The following AGBL4 variants were observed in gnomAD, a reference collection of about 807,000 sequenced individuals.
AGBL4 encodes cytosolic carboxypeptidase 6.
A neutral mutation model predicts 66.4 loss-of-function variants in AGBL4; 58 were observed. The observed-to-expected ratio is 0.87, with a 90% CI of 0.71 to 1.09. The LOEUF (loss-of-function observed/expected upper bound fraction) is 1.09. Among genes scored for constraint, AGBL4 ranks in the 50% least tolerant of loss-of-function variants. The pLI is 0.00. For synonymous variants in AGBL4, 234 were observed against 222.9 expected (o/e 1.05, Z -0.44); for missense variants, 579 against 631.0 (o/e 0.92, Z 0.88).
intron 1 of AGBL4, among the ~76,000 whole-genome samples, chr1:49,874,008 A>G (rs1023696148): frequency 1.3e-5 from 2 of 152,136 alleles, no homozygotes; most frequent in African/African-American, 4.8e-5. Flanking sequence ...GACACCAAAA[A>G]TAGCATGGAC....
chr1:49,353,949 A>T (rs1308864196), intron 3 of AGBL4, among the ~76,000 whole-genome samples: 1 of 152,080 alleles, frequency 6.6e-6, no homozygotes, highest in Admixed American at 6.5e-5. Flanking sequence ...AAATCCCCAC[A>T]TTCATAATTC....
At chr1:48,812,576 C>G (rs1254976327) in intron 6 of AGBL4, among the ~76,000 whole-genome samples, 1 of 152,180 alleles carries the variant, frequency 6.6e-6, no homozygotes, top group East Asian at 1.9e-4. Context: ...TTAAGGATTT[C>G]ATTTCTGGGA....
At position 48,635,671 on chromosome 1, in the gene AGBL4, C is replaced by T. The variant is rs114008884; in HGVS notation, c.840-1067G>A. 5.1e-3 allele frequency among the ~76,000 whole-genome samples: 775 copies of T among 152,324 alleles called. 10 individuals are homozygous for T. Among genetic ancestry groups the T allele is most frequent in the African/African-American group, 0.018 (744 of 41,576 alleles). On this transcript the variant is annotated intron_variant, in intron 8 of 13. Transcript: ENST00000371839. ...AGAAGGAGCTTCTACAAATGGACCA[C>T]AAGCTTTTCAAGAGCCTCTTTCATC...
chr1:49,973,123 C>A (rs1344328125), intron 1 of AGBL4, among the ~76,000 whole-genome samples: 1 of 152,076 alleles, frequency 6.6e-6, no homozygotes, highest in Non-Finnish European at 1.5e-5. Context: ...GAGACAGGTG[C>A]CCTTTGAGTG....
chr1:49,851,235 C>A (rs1646294352), intron 2 of AGBL4, among the ~76,000 whole-genome samples, 161 bp downstream of exon 2: 1 of 152,050 alleles, frequency 6.6e-6, no homozygotes, highest in Admixed American at 6.5e-5. Context: ...ATTTGATATT[C>A]CCAAGTTAGT....
chr1:48,554,168 G>T (rs1283231717), intron 11 of AGBL4, among the ~76,000 whole-genome samples: 1 of 152,122 alleles, frequency 6.6e-6, no homozygotes, highest in Non-Finnish European at 1.5e-5. Flanking sequence ...CAGGACATGG[G>T]GTCCTCTACC....
intron 4 of AGBL4, among the ~76,000 whole-genome samples, chr1:49,088,030 A>T (rs1343426997): frequency 6.6e-6 from 1 of 152,232 alleles, no homozygotes; most frequent in Non-Finnish European, 1.5e-5. Flanking sequence ...TGATAGGCAA[A>T]TAGTAACACA....
chr1:49,017,737 T>C (rs1415858801), intron 5 of AGBL4, among the ~76,000 whole-genome samples: 2 of 152,126 alleles, frequency 1.3e-5, no homozygotes, highest in African/African-American at 4.8e-5. Context: ...TAATATATAT[T>C]GAACGAATGA....
intron 5 of AGBL4, among the ~76,000 whole-genome samples, chr1:48,959,131 T>C (rs1657742756): frequency 6.6e-6 from 1 of 152,188 alleles, no homozygotes; most frequent in African/African-American, 2.4e-5. Context: ...ACAGGAATGA[T>C]ATGACATGGA....
chr1:49,903,112 GA>G lies in AGBL4; in HGVS notation c.35-51595del, dbSNP rs1372730145. 2.6e-5 allele frequency among the ~76,000 whole-genome samples: 4 copies of G among 152,194 alleles called. No individual in the cohort carries two copies. The South Asian group carries it at 8.3e-4, about 31-fold the overall frequency. On this transcript the variant is annotated intron_variant, in intron 1 of 13. Transcript: ENST00000371839. The stretch of plus-strand genomic sequence containing the variant: ...TCAACCTAAATGTCCATCAATGGTA[GA>G]GTGGATAAAGAAAAGGTGGTACATA...
chr1:48,655,723 C>G (rs765746673), intron 7 of AGBL4, among the ~76,000 whole-genome samples: 1 of 152,152 alleles, frequency 6.6e-6, no homozygotes, highest in Non-Finnish European at 1.5e-5. Context: ...AAGTAGGTGT[C>G]CTAGTCTGTG....
intron 3 of AGBL4, among the ~76,000 whole-genome samples, chr1:49,361,644 C>G (rs1644137561): frequency 1.3e-5 from 2 of 152,150 alleles, no homozygotes; most frequent in African/African-American, 4.8e-5. Flanking sequence ...CTTAAAAATA[C>G]TTTTTAGATT....
At chr1:49,291,639 T>C (rs1326667851) in intron 3 of AGBL4, among the ~76,000 whole-genome samples, 2 of 151,868 alleles carry the variant, frequency 1.3e-5, no homozygotes, top group Non-Finnish European at 2.9e-5. Context: ...TCTTAGAGAG[T>C]ATTAATTGGA....
At chr1:49,082,871 A>G (rs534588038) in intron 4 of AGBL4, among the ~76,000 whole-genome samples, 1 of 152,348 alleles carries the variant, frequency 6.6e-6, no homozygotes, top group Non-Finnish European at 1.5e-5. Context: ...TACTTCCTAG[A>G]TACAATGGAG....
At chr1:49,100,359 C>G (rs547148815) in intron 4 of AGBL4, among the ~76,000 whole-genome samples, 1 of 152,240 alleles carries the variant, frequency 6.6e-6, no homozygotes, top group African/African-American at 2.4e-5. Context: ...CTGTGTACCT[C>G]TCCGTATATG....
intron 2 of AGBL4, among the ~76,000 whole-genome samples, chr1:49,833,634 G>T (rs2148021821): frequency 6.6e-6 from 1 of 152,244 alleles, no homozygotes; most frequent in South Asian, 2.1e-4. Context: ...AGCATGGAAT[G>T]TTCTTCCATT....
intron 4 of AGBL4, among the ~76,000 whole-genome samples, chr1:49,196,715 T>C (rs1026304871): frequency 2.0e-5 from 3 of 152,178 alleles, no homozygotes; most frequent in Non-Finnish European, 4.4e-5. Flanking sequence ...TAGCTTCTTA[T>C]TTTTGAATTT....
At chr1:49,030,167 T>G (rs1664086740) in intron 5 of AGBL4, among the ~76,000 whole-genome samples, 1 of 152,148 alleles carries the variant, frequency 6.6e-6, no homozygotes, top group East Asian at 1.9e-4. Context: ...GCTGAAATCC[T>G]AATCCCCAAT....
At chr1:49,331,131 G>A (rs909395835) in intron 3 of AGBL4, among the ~76,000 whole-genome samples, 1 of 151,844 alleles carries the variant, frequency 6.6e-6, no homozygotes, top group Non-Finnish European at 1.5e-5. Context: ...GTGGAGTCTC[G>A]GCAGAGCTGC....
Sources: allele counts gnomAD v4.1 joint callset (sites outside exome capture counted in the v4.1 genomes callset), GRCh38; gene constraint gnomAD v4.1.1; transcripts MANE v1.5; gene names NCBI Gene and HGNC (gene_info 2026-07-23, HGNC 2026-07-21).